Variants in CMC1 observed in about 807,000 individuals in gnomAD.
CMC1 encodes COX assembly mitochondrial protein homolog.
In CMC1, 14 loss-of-function variants were observed where a neutral mutation model predicts 14.1. That is an observed-to-expected ratio of 0.99 (90% CI 0.66 to 1.55). The LOEUF is 1.55. Ranked by LOEUF, CMC1 falls within the 40% of genes most tolerant of loss-of-function variation. The pLI, the probability that CMC1 is intolerant of heterozygous loss-of-function variation, is 0.00. For synonymous variants in CMC1, 50 were observed against 38.4 expected, an observed-to-expected ratio of 1.30 and a Z score of -1.12; for missense variants, 127 against 123.8, an observed-to-expected ratio of 1.03 and a Z score of -0.12.
At chr3:28,288,245 T>C (rs990097713) in intron 2 of CMC1, among the ~76,000 whole-genome samples, 10 of 152,110 alleles carry the variant, frequency 6.6e-5, no homozygotes, top group African/African-American at 2.4e-4. Flanking sequence ...AATAACTAAA[T>C]TAAAAATGAT....
intron 2 of CMC1, among the ~76,000 whole-genome samples, chr3:28,287,799 A>G (rs1701266699): frequency 6.6e-6 from 1 of 151,790 alleles, no homozygotes; most frequent in South Asian, 2.1e-4. Context: ...TCATTGATTT[A>G]TAGTAATTTT....
Position 28,319,214 on chromosome 3 carries a change from A to G in CMC1, c.201-295A>G, listed in dbSNP as rs557407234. On this transcript the variant is annotated intron_variant, in intron 3 of 3. Transcript: ENST00000466830. ...CACTGGGCCATACCTCTGTCACAGTATTTTGTAGATTTAATTTTAATCCAG... is the reference window on the plus strand; with the variant it reads ...CACTGGGCCATACCTCTGTCACAGTGTTTTGTAGATTTAATTTTAATCCAG... 3.0e-5 allele frequency: 14 copies of G among 470,098 alleles called. No homozygotes were observed. In the East Asian group the frequency reaches 9.0e-4, roughly 30 times the overall value. The allele number at this position is 470,098 out of a possible 1,614,324, so 29.1% of individuals were successfully genotyped here.
At chr3:28,276,632 TCACTTA>T (rs1250287328) in intron 2 of CMC1, among the ~76,000 whole-genome samples, 1 of 152,324 alleles carries the variant, frequency 6.6e-6, no homozygotes, top group African/African-American at 2.4e-5. Context: ...AGATCACACT[TCACTTA>T]AGTTACCTGA....
intron 2 of CMC1, among the ~76,000 whole-genome samples, chr3:28,313,680 A>T (rs922259661): frequency 3.3e-5 from 5 of 152,204 alleles, no homozygotes; most frequent in Admixed American, 2.0e-4. Flanking sequence ...ATATTTGGAC[A>T]AGTGTGAAAG....
intron 1 of CMC1, among the ~76,000 whole-genome samples, chr3:28,248,635 G>T (rs961260389): frequency 6.6e-6 from 1 of 152,054 alleles, no homozygotes; most frequent in African/African-American, 2.4e-5. Context: ...TTTGTTTGGG[G>T]TGTTAAAATC....
intron 1 of CMC1, among the ~76,000 whole-genome samples, chr3:28,262,604 T>A (rs1699788554): frequency 6.6e-6 from 1 of 152,162 alleles, no homozygotes; most frequent in African/African-American, 2.4e-5. Context: ...AGTAATATGA[T>A]TACCTCATTT....
intron 3 of CMC1, chr3:28,319,221 A>G (rs1703088629): frequency 2.1e-6 from 1 of 476,450 alleles, no homozygotes; most frequent in Non-Finnish European, 4.2e-6. Flanking sequence ...AGTATTTTGT[A>G]GATTTAATTT....
At chr3:28,268,750 A>G (rs889632821) in intron 2 of CMC1, among the ~76,000 whole-genome samples, 10 of 152,346 alleles carry the variant, frequency 6.6e-5, no homozygotes, top group African/African-American at 2.4e-4. Context: ...GTTACTTAGC[A>G]GTAACTATTT....
chr3:28,253,697 T>C (rs532268337), intron 1 of CMC1: 6 of 1,229,288 alleles, frequency 4.9e-6, no homozygotes, highest in Non-Finnish European at 6.4e-6. Context: ...CTGTTGCAAG[T>C]TTATTACAAG....
At chr3:28,302,385 C>T (rs964444543) in intron 2 of CMC1, among the ~76,000 whole-genome samples, 1 of 152,018 alleles carries the variant, frequency 6.6e-6, no homozygotes, top group African/African-American at 2.4e-5. Context: ...ATGAATTGGC[C>T]TTTTAACATT....
chr3:28,248,772 T>A (rs946860504), intron 1 of CMC1, among the ~76,000 whole-genome samples: 4 of 152,040 alleles, frequency 2.6e-5, no homozygotes, highest in East Asian at 1.9e-4. Context: ...TCCCCGACAA[T>A]CCTCTGTTCT....
chr3:28,303,489 C>T (rs936619911), intron 2 of CMC1, among the ~76,000 whole-genome samples: 3 of 152,030 alleles, frequency 2.0e-5, no homozygotes, highest in Admixed American at 6.6e-5. Context: ...TATGAAACCC[C>T]GAAGTTTTGT....
chr3:28,293,913 G>A lies in CMC1; in HGVS notation c.110-22420G>A, dbSNP rs1701614804. Among the ~76,000 whole-genome samples the A allele has an allele frequency of 2.6e-5, 4 of 152,054 alleles. No homozygotes were observed. In the South Asian group the frequency reaches 8.3e-4, roughly 31 times the overall value. ...ATTCTTTTTTTTAACTTGAAAACCT[G>A]TGTAGTTCTGTAAAATCTTTGTTAA... is the stretch of plus-strand genomic sequence containing the variant. On this transcript the variant is annotated intron_variant, in intron 2 of 3. Transcript: ENST00000466830.
intron 2 of CMC1, among the ~76,000 whole-genome samples, chr3:28,296,910 C>T (rs1701767499): frequency 6.6e-6 from 1 of 152,046 alleles, no homozygotes. Flanking sequence ...GGGAATACCT[C>T]CTTGAATTTT....
chr3:28,263,426 TATG>T, intron 2 of CMC1, 46 bp downstream of exon 2: 1 of 1,261,080 alleles, frequency 7.9e-7, no homozygotes, highest in Non-Finnish European at 1.1e-6. Context: ...TTTTTAATAA[TATG>T]ATCTGAATTT....
chr3:28,323,459 A>G lies in CMC1; in HGVS notation c.*3830A>G, dbSNP rs1215288053. 1.3e-5 allele frequency: 2 copies of G among 151,086 alleles called. No homozygotes were observed. The highest frequency in any genetic ancestry group is 4.9e-5 in the African/African-American group (2 of 41,230). 9.4% of individuals were successfully genotyped at this position (151,086 alleles called of 1,614,324 possible). A position where few individuals can be genotyped will look rare whatever the true frequency, so the allele number is the denominator to read the frequency against. On this transcript the variant is annotated 3_prime_UTR_variant, in exon 4 of 4. Coordinates refer to ENST00000466830, the MANE Select transcript of CMC1 (RefSeq NM_182523.2). Reference sequence around the variant, plus strand: ...GTCTTAGAATTCAAACTTCAATTCTAAAAAAATTTTATCAACAAAACACTG... The same window carrying G: ...GTCTTAGAATTCAAACTTCAATTCTGAAAAAATTTTATCAACAAAACACTG...
At chr3:28,264,584 A>G (rs1699906922) in intron 2 of CMC1, among the ~76,000 whole-genome samples, 1 of 152,122 alleles carries the variant, frequency 6.6e-6, no homozygotes, top group Admixed American at 6.6e-5. Context: ...CTACCCCCAG[A>G]TGTCTTGAGA....
chr3:28,295,323 A>C (rs1428560865), intron 2 of CMC1, among the ~76,000 whole-genome samples: 1 of 152,184 alleles, frequency 6.6e-6, no homozygotes, highest in Non-Finnish European at 1.5e-5. Flanking sequence ...ATGAAAATTT[A>C]TTCTTATCTA....
At chr3:28,308,738 A>G (rs1243206892) in intron 2 of CMC1, among the ~76,000 whole-genome samples, 1 of 152,152 alleles carries the variant, frequency 6.6e-6, no homozygotes, top group Non-Finnish European at 1.5e-5. Flanking sequence ...TAATCCCAGC[A>G]CTTTGGGAGG....
Sources: gnomAD v4.1 joint callset for allele counts (sites outside exome capture counted in the v4.1 genomes callset) on GRCh38, gnomAD v4.1.1 for gene constraint, MANE v1.5 for transcripts, NCBI Gene and HGNC (gene_info 2026-07-23, HGNC 2026-07-21) for gene names.